The following CFAP61 variants were observed in gnomAD, a reference collection of about 807,000 sequenced individuals.
The protein encoded by CFAP61 is cilia- and flagella-associated protein 61.
CFAP61 carries 107 observed loss-of-function variants against 135.6 expected under a neutral mutation model. The observed-to-expected ratio is 0.79, with a 90% confidence interval of 0.67 to 0.93. CFAP61 has a LOEUF of 0.93. CFAP61 is among the 40% of genes least tolerant of loss of function. The pLI, the probability that CFAP61 is intolerant of heterozygous loss-of-function variation, is 0.00. For synonymous variants in CFAP61, 575 were observed against 578.5 expected, an observed-to-expected ratio of 0.99 and a Z score of 0.09; for missense variants, 1,507 against 1,556.2, an observed-to-expected ratio of 0.97 and a Z score of 0.53.
intron 17 of CFAP61, among the ~76,000 whole-genome samples, chr20:20,208,958 A>C (rs1229428984): frequency 6.6e-6 from 1 of 152,214 alleles, no homozygotes; most frequent in African/African-American, 2.4e-5. Flanking sequence ...CATGGGACTC[A>C]CAGCACGTCA....
intron 6 of CFAP61, 75 bp downstream of exon 6, chr20:20,075,690 C>T: frequency 6.5e-7 from 1 of 1,531,358 alleles, no homozygotes. Context: ...TTTAAACTAC[C>T]AATGCTAAGT....
chr20:20,252,622 T>G lies in CFAP61; in HGVS notation c.2328+859T>G, dbSNP rs542589776. 9.8e-5 allele frequency among the ~76,000 whole-genome samples: 15 copies of G among 152,358 alleles called. No homozygotes were observed. In the South Asian group the frequency reaches 2.3e-3, roughly 23 times the overall value. On this transcript the variant is annotated intron_variant, in intron 20 of 26. Coordinates refer to ENST00000245957, the MANE Select transcript of CFAP61 (RefSeq NM_015585.4). ...TATTTTATGTGTGGTCCAAGATGATTCTTCTTGTTTCAGTGTGGCTCAGGG... is the reference window on the plus strand; with the variant it reads ...TATTTTATGTGTGGTCCAAGATGATGCTTCTTGTTTCAGTGTGGCTCAGGG...
At chr20:20,153,330 A>G (rs954104611) in intron 9 of CFAP61, among the ~76,000 whole-genome samples, 3 of 152,158 alleles carry the variant, frequency 2.0e-5, no homozygotes, top group African/African-American at 7.2e-5. Flanking sequence ...AACAAGAACA[A>G]ATCAAACCCA....
chr20:20,115,938 T>A (rs1040628361), intron 8 of CFAP61, among the ~76,000 whole-genome samples: 7 of 152,230 alleles, frequency 4.6e-5, no homozygotes, highest in African/African-American at 1.7e-4. Flanking sequence ...TGATTTGATT[T>A]CTTTTGAATA....
At chr20:20,085,607 G>A (rs895173706) in intron 6 of CFAP61, 13 of 970,392 alleles carry the variant, frequency 1.3e-5, no homozygotes, top group South Asian at 5.1e-5. Context: ...TGGGTCTTTC[G>A]GAACCTTTAT....
intron 18 of CFAP61, among the ~76,000 whole-genome samples, chr20:20,240,937 G>A (rs1289663412): frequency 1.3e-5 from 2 of 152,166 alleles, no homozygotes; most frequent in African/African-American, 4.8e-5. Context: ...AACCTGAGGT[G>A]ACCCTGAAAA....
chr20:20,316,915 C>T (rs1169706212), intron 25 of CFAP61: 2 of 137,042 alleles, frequency 1.5e-5, no homozygotes, highest in Non-Finnish European at 3.2e-5. Flanking sequence ...CTCACTCTGT[C>T]ATCCAGGCTG....
chr20:20,222,266 G>A lies in CFAP61; in HGVS notation c.1933-5983G>A, dbSNP rs1316269970. On this transcript the variant is annotated intron_variant, in intron 17 of 26. Transcript: ENST00000245957. ...CAAAATAATGATAATGCCCAAATAG[G>A]GAATATGGGTATATGAGGGATTGAG... 3.3e-5 allele frequency among the ~76,000 whole-genome samples: 5 copies of A among 152,142 alleles called. No homozygotes were observed. In the South Asian group the frequency reaches 6.2e-4, roughly 19 times the overall value.
chr20:20,326,327 G>A (rs2057746949), intron 25 of CFAP61, among the ~76,000 whole-genome samples: 1 of 151,846 alleles, frequency 6.6e-6, no homozygotes, highest in Non-Finnish European at 1.5e-5. Flanking sequence ...TATAAAGGTT[G>A]GAATTTTTAC....
chr20:20,214,242 A>C (rs1021243221), intron 17 of CFAP61: 1 of 152,212 alleles, frequency 6.6e-6, no homozygotes, highest in African/African-American at 2.4e-5. Context: ...GTGTTGTTCC[A>C]TAACAGTACC....
At chr20:20,138,500 T>A (rs1454416121) in intron 8 of CFAP61, among the ~76,000 whole-genome samples, 2 of 150,820 alleles carry the variant, frequency 1.3e-5, no homozygotes, top group African/African-American at 5.0e-5. Context: ...TGCATTCCAT[T>A]GCAAAGTCCC....
intron 19 of CFAP61, among the ~76,000 whole-genome samples, chr20:20,249,148 C>T (rs140661260): frequency 6.6e-6 from 1 of 152,232 alleles, no homozygotes; most frequent in Non-Finnish European, 1.5e-5. Context: ...GGAAAAATAT[C>T]ACTTACAGTC....
intron 25 of CFAP61, among the ~76,000 whole-genome samples, chr20:20,311,706 C>T (rs1332364242): frequency 6.6e-6 from 1 of 152,066 alleles, no homozygotes; most frequent in Non-Finnish European, 1.5e-5. Flanking sequence ...GAGAGAGAAG[C>T]TTGGAGATGT....
At chr20:20,256,791 C>T (rs920884232) in intron 20 of CFAP61, among the ~76,000 whole-genome samples, 1 of 152,122 alleles carries the variant, frequency 6.6e-6, no homozygotes. Flanking sequence ...AACTTTTTTA[C>T]CCGAAAAACA....
intron 17 of CFAP61, among the ~76,000 whole-genome samples, chr20:20,222,826 C>T (rs527608085): frequency 1.3e-5 from 2 of 152,196 alleles, no homozygotes; most frequent in South Asian, 4.2e-4. Context: ...CTTTGAGCCG[C>T]ACCACTGTAA....
chr20:20,058,620 C>T (rs760772860), intron 2 of CFAP61, among the ~76,000 whole-genome samples: 3 of 152,202 alleles, frequency 2.0e-5, no homozygotes, highest in African/African-American at 7.2e-5. Context: ...AGGGCTCACT[C>T]AGCCTTAGCA....
intron 25 of CFAP61, among the ~76,000 whole-genome samples, chr20:20,318,872 C>T (rs2057287694): frequency 6.6e-6 from 1 of 152,234 alleles, no homozygotes; most frequent in African/African-American, 2.4e-5. Context: ...CACAGACTTT[C>T]AGCCTCTCTG....
chr20:20,168,735 C>A (rs2054008951), intron 12 of CFAP61, among the ~76,000 whole-genome samples: 1 of 152,202 alleles, frequency 6.6e-6, no homozygotes, highest in African/African-American at 2.4e-5. Context: ...AATGGCAGCC[C>A]TCAGGACATG....
rs537481502 is a variant in CFAP61 at position 20,228,694 on chromosome 20, G to A, written c.2060+318G>A. On this transcript the variant is annotated intron_variant, in intron 18 of 26. Coordinates refer to ENST00000245957, the MANE Select transcript of CFAP61 (RefSeq NM_015585.4). ...AGATGGCAGACTCCTCTGCTGAGTA[G>A]TTGGAACAGAGACCATATGGCCTTC... The A allele has an allele frequency of 1.2e-4, 25 of 207,820 alleles. 1 individual carries two copies. The highest frequency in any genetic ancestry group is 5.4e-4 in the African/African-American group (24 of 44,334). 12.9% of individuals were successfully genotyped at this position (207,820 alleles called of 1,614,324 possible).
Sources: allele counts gnomAD v4.1 joint callset (sites outside exome capture counted in the v4.1 genomes callset), GRCh38; gene constraint gnomAD v4.1.1; transcripts MANE v1.5; gene names NCBI Gene and HGNC (gene_info 2026-07-23, HGNC 2026-07-21).